ANKRD31: variants seen among roughly 807,000 people sequenced by gnomAD.
The protein encoded by ANKRD31 is ankyrin repeat domain-containing protein 31.
A neutral mutation model predicts 186.0 loss-of-function variants in ANKRD31; 147 were observed. That is an observed-to-expected ratio of 0.79 (90% CI 0.69 to 0.91). The LOEUF (loss-of-function observed/expected upper bound fraction) is 0.91, where lower values mean the gene tolerates loss of function less well. ANKRD31 is among the 40% of genes least tolerant of loss of function. The probability of loss-of-function intolerance (pLI) is 0.00; values close to 1 mark genes in which losing one functional copy is unlikely to be tolerated. For synonymous variants in ANKRD31, 673 were observed against 736.4 expected (o/e 0.91, Z 1.39); for missense variants, 1,986 against 2,148.8 (o/e 0.92, Z 1.50).
intron 17 of ANKRD31, among the ~76,000 whole-genome samples, chr5:75,128,990 G>GT (rs1466734638): frequency 6.6e-6 from 1 of 152,052 alleles, no homozygotes; most frequent in East Asian, 1.9e-4. Context: ...TTGGCTTTGA[G>GT]TCCCCACTCA....
chr5:75,100,668 C>T (rs1427253717), intron 22 of ANKRD31, among the ~76,000 whole-genome samples: 2 of 152,066 alleles, frequency 1.3e-5, no homozygotes, highest in Admixed American at 6.5e-5. Flanking sequence ...ATCCCTTTAC[C>T]ATTACGTAAT....
chr5:75,222,655 T>A (rs1429147285), intron 2 of ANKRD31, among the ~76,000 whole-genome samples: 1 of 152,144 alleles, frequency 6.6e-6, no homozygotes, highest in African/African-American at 2.4e-5. Flanking sequence ...TCTGTGTCCA[T>A]GTGTTCTCAA....
intron 16 of ANKRD31, 102 bp from the exon 17 acceptor site, chr5:75,138,100 AT>A: frequency 2.0e-6 from 2 of 1,002,662 alleles, no homozygotes; most frequent in Non-Finnish European, 2.7e-6. Context: ...CAATATCCAT[AT>A]TGATTCATAT....
intron 10 of ANKRD31, among the ~76,000 whole-genome samples, chr5:75,173,930 A>G (rs1201335356): frequency 6.6e-6 from 1 of 152,168 alleles, no homozygotes; most frequent in Non-Finnish European, 1.5e-5. Context: ...AGACAATCCT[A>G]AGCAAAAAAA....
In ANKRD31 at chr5:75,146,251, C is replaced by T. The variant is rs1181768298; in HGVS notation, c.3160G>A (p.Val1054Met). ...TCACAATTCTTTGCCATCTTTTCCA[C>T]AATATGTGTATCTGTTTGATTCATT... Reference protein sequence around the residue: ...FLMNQTDTHIVEKMAKNCDTE... With the variant: ...FLMNQTDTHIMEKMAKNCDTE... The change falls in exon 14 of 26, where the codon GTG becomes ATG. Residue 1054 changes from valine (V) to methionine (M), a missense_variant. By Grantham distance (21) the Val-to-Met change is conservative. Transcript: ENST00000506364. 20 of 1,536,272 alleles carry T rather than the reference C, an allele frequency of 1.3e-5. No individual in the cohort carries two copies. The East Asian group carries it at 3.7e-4, about 28-fold the overall frequency.
At chr5:75,233,465 T>C (rs1032362015) in intron 1 of ANKRD31, among the ~76,000 whole-genome samples, 1 of 152,144 alleles carries the variant, frequency 6.6e-6, no homozygotes, top group Admixed American at 6.6e-5. Context: ...AAGTATTTAA[T>C]CTATTTCATA....
chr5:75,105,014 G>T lies in ANKRD31; in HGVS notation c.4545C>A (p.Ser1515Arg). 6.5e-7 allele frequency: 1 copy of T among 1,536,820 alleles called. No individual in the cohort carries two copies. The highest frequency in any genetic ancestry group is 8.7e-7 in the Non-Finnish European group (1 of 1,146,814). ...AATTTTCCAGACTAGTGAGCTCTTG[G>T]CTGTCTTTTTCACTAGAGATTTCTG... is the stretch of plus-strand genomic sequence containing the variant. ...PRSEISSEKD[S>R]QELTSLENLE... is the part of the protein sequence containing the mutation. The change falls in exon 22 of 26, where the codon AGC becomes AGA. Residue 1515 changes from serine (S) to arginine (R), a missense_variant. Coordinates refer to ENST00000506364, the MANE Select transcript of ANKRD31 (RefSeq NM_001372053.1).
At chr5:75,135,137 A>G in intron 17 of ANKRD31, among the ~76,000 whole-genome samples, 1 of 152,202 alleles carries the variant, frequency 6.6e-6, no homozygotes. Flanking sequence ...CACCACTCCT[A>G]TTCAACATAC....
intron 24 of ANKRD31, among the ~76,000 whole-genome samples, chr5:75,081,950 A>G (rs1303457150): frequency 6.6e-6 from 1 of 152,126 alleles, no homozygotes; most frequent in Admixed American, 6.5e-5. Flanking sequence ...ACTGGGCCTT[A>G]CCCCATGATT....
chr5:75,172,471 C>T (rs1483463354), intron 10 of ANKRD31, among the ~76,000 whole-genome samples: 3 of 149,528 alleles, frequency 2.0e-5, no homozygotes, highest in African/African-American at 7.4e-5. Context: ...AAAAGATCAA[C>T]AAAATTGATA....
At chr5:75,230,668 T>A (rs761923462) in intron 1 of ANKRD31, 33 bp from the exon 2 acceptor site, 2 of 1,451,684 alleles carry the variant, frequency 1.4e-6, no homozygotes, top group South Asian at 1.2e-5. Flanking sequence ...GCACAAGTTG[T>A]TAATGTGTCT....
intron 25 of ANKRD31, 42 bp downstream of exon 25, chr5:75,080,526 T>C: frequency 1.5e-6 from 2 of 1,366,238 alleles, no homozygotes; most frequent in Non-Finnish European, 2.0e-6. Flanking sequence ...ATCTAAACAC[T>C]TATAAAAGTA....
chr5:75,115,068 C>T (rs1028079575), intron 19 of ANKRD31, among the ~76,000 whole-genome samples: 1 of 151,792 alleles, frequency 6.6e-6, no homozygotes, highest in African/African-American at 2.4e-5. Context: ...AGATATAGAT[C>T]AATGGAACAG....
intron 19 of ANKRD31, among the ~76,000 whole-genome samples, chr5:75,116,323 T>G (rs1027119798): frequency 9.2e-5 from 14 of 151,428 alleles, no homozygotes; most frequent in Non-Finnish European, 1.9e-4. Context: ...GACAAGTTAG[T>G]GGGTGCAGCG....
chr5:75,098,945 T>A (rs1746569094), intron 22 of ANKRD31, among the ~76,000 whole-genome samples: 1 of 152,218 alleles, frequency 6.6e-6, no homozygotes, highest in African/African-American at 2.4e-5. Context: ...CTGATTGCCC[T>A]GGCCAGAACT....
intron 2 of ANKRD31, among the ~76,000 whole-genome samples, chr5:75,230,083 G>A (rs539619639): frequency 2.5e-4 from 38 of 151,950 alleles, no homozygotes; most frequent in South Asian, 1.5e-3. Flanking sequence ...GTGTGTGTGC[G>A]CGCGTGTGTG....
intron 22 of ANKRD31, among the ~76,000 whole-genome samples, chr5:75,095,684 AAT>A (rs1366042229): frequency 6.6e-6 from 1 of 152,202 alleles, no homozygotes; most frequent in Non-Finnish European, 1.5e-5. Context: ...GGGTTTGAGT[AAT>A]CTTTATTTAA....
At chr5:75,098,136 G>T (rs1207272113) in intron 22 of ANKRD31, among the ~76,000 whole-genome samples, 1 of 152,016 alleles carries the variant, frequency 6.6e-6, no homozygotes, top group Admixed American at 6.6e-5. Context: ...GGGACTACAG[G>T]CGCCCACCAC....
At chr5:75,154,458 G>A in intron 11 of ANKRD31, 113 bp from the exon 12 acceptor site, 1 of 933,428 alleles carries the variant, frequency 1.1e-6, no homozygotes, top group Non-Finnish European at 1.4e-6. Flanking sequence ...AATACTGTTT[G>A]GATTTATCTA....
Sources: allele counts gnomAD v4.1 joint callset (sites outside exome capture counted in the v4.1 genomes callset), GRCh38; gene constraint gnomAD v4.1.1; transcripts MANE v1.5; gene names NCBI Gene and HGNC (gene_info 2026-07-23, HGNC 2026-07-21).